Variants in TAFA4 observed in about 807,000 individuals in gnomAD.
TAFA4 encodes TAFA chemokine like family member 4.
TAFA4 carries 20 observed loss-of-function variants against 21.1 expected under a neutral mutation model. That is an observed-to-expected ratio of 0.95 (90% CI 0.67 to 1.38). The LOEUF (loss-of-function observed/expected upper bound fraction) is 1.38. Ranked by LOEUF, TAFA4 falls within the 40% of genes most tolerant of loss-of-function variation. The probability of loss-of-function intolerance (pLI) is 0.00; values close to 1 mark genes in which losing one functional copy is unlikely to be tolerated. For synonymous variants in TAFA4, 71 were observed against 67.4 expected (o/e 1.05, Z -0.26); for missense variants, 211 against 180.9 (o/e 1.17, Z -0.95).
chr3:68,779,644 C>A (rs2106794308), intron 3 of TAFA4, among the ~76,000 whole-genome samples: 1 of 152,298 alleles, frequency 6.6e-6, no homozygotes, highest in South Asian at 2.1e-4. Flanking sequence ...GTTGAGCCTG[C>A]AGGTGTACAC....
rs369999249 is a variant in TAFA4 at position 68,807,891 on chromosome 3, C to A, written c.131-54873G>T. Among the ~76,000 whole-genome samples, 65 of 152,296 alleles carry A rather than the reference C, an allele frequency of 4.3e-4. No homozygotes were observed. In the East Asian group the frequency reaches 0.012, roughly 28 times the overall value. Reference sequence around the variant, plus strand: ...TATAATTGCAAGTATCTGGTAACAACAATATGTCCTCTGGTGTTGTCATGC... The same window carrying A: ...TATAATTGCAAGTATCTGGTAACAAAAATATGTCCTCTGGTGTTGTCATGC... On this transcript the variant is annotated intron_variant, in intron 3 of 5. Transcript: ENST00000295569.
chr3:68,921,538 A>G (rs1002025574), intron 1 of TAFA4, among the ~76,000 whole-genome samples: 1 of 152,210 alleles, frequency 6.6e-6, no homozygotes, highest in African/African-American at 2.4e-5. Flanking sequence ...GGAGAAAGCA[A>G]TAAGCCAGGC....
chr3:68,872,446 A>T (rs2089493415), intron 3 of TAFA4, among the ~76,000 whole-genome samples: 1 of 152,084 alleles, frequency 6.6e-6, no homozygotes, highest in Non-Finnish European at 1.5e-5. Context: ...TAGTTTAAAA[A>T]AATGCAGTTA....
At chr3:68,876,995 G>C (rs1422290121) in intron 3 of TAFA4, among the ~76,000 whole-genome samples, 2 of 151,968 alleles carry the variant, frequency 1.3e-5, no homozygotes, top group African/African-American at 4.8e-5. Flanking sequence ...TTCATAACTT[G>C]CCCAAGAATG....
At chr3:68,860,294 GTTATGAATATCAAGTGCACTA>G (rs1270127269) in intron 3 of TAFA4, among the ~76,000 whole-genome samples, 1 of 152,102 alleles carries the variant, frequency 6.6e-6, no homozygotes, top group Non-Finnish European at 1.5e-5. Context: ...TTAATTATTA[GTTATGAATATCAAGTGCACTA>G]TTGTCACTCT....
chr3:68,737,074 C>T (rs1305594068), intron 5 of TAFA4, among the ~76,000 whole-genome samples: 1 of 152,112 alleles, frequency 6.6e-6, no homozygotes, highest in African/African-American at 2.4e-5. Context: ...GAAAGCCGTT[C>T]TACCAAGAGA....
In TAFA4 at chr3:68,732,162, TA is replaced by T. The variant is rs1702160083; in HGVS notation, c.*979del. 6.6e-6 allele frequency: 1 copy of T among 152,516 alleles called. No homozygotes were observed. The highest frequency in any genetic ancestry group is 2.1e-4 in the South Asian group (1 of 4,826). The allele number at this position is 152,516 out of a possible 1,614,324, so 9.4% of individuals were successfully genotyped here. A position where few individuals can be genotyped will look rare whatever the true frequency, so the allele number is the denominator to read the frequency against. ...ATTAAGCCAATCAGGACTCAGATTTTAAAGAAATAAGATGGCTAACACAGAA... is the reference window on the plus strand; with the variant it reads ...ATTAAGCCAATCAGGACTCAGATTTTAAGAAATAAGATGGCTAACACAGAA... On this transcript the variant is annotated 3_prime_UTR_variant, in exon 6 of 6. Transcript: ENST00000295569.
At chr3:68,762,867 G>A (rs1397051193) in intron 3 of TAFA4, among the ~76,000 whole-genome samples, 2 of 152,138 alleles carry the variant, frequency 1.3e-5, no homozygotes, top group Non-Finnish European at 2.9e-5. Flanking sequence ...GGCAAAACCC[G>A]TCCCTGCTAA....
chr3:68,783,307 G>A (rs1424579734), intron 3 of TAFA4, among the ~76,000 whole-genome samples: 1 of 152,070 alleles, frequency 6.6e-6, no homozygotes, highest in Non-Finnish European at 1.5e-5. Context: ...GAAATAAAAA[G>A]CAAATAAACC....
chr3:68,755,095 C>G (rs1332921201), intron 3 of TAFA4, among the ~76,000 whole-genome samples: 1 of 152,174 alleles, frequency 6.6e-6, no homozygotes, highest in Non-Finnish European at 1.5e-5. Context: ...AGTATGTGCG[C>G]AGGTACATCG....
chr3:68,778,173 T>C (rs1002506380), intron 3 of TAFA4, among the ~76,000 whole-genome samples: 8 of 152,284 alleles, frequency 5.3e-5, no homozygotes, highest in South Asian at 2.1e-4. Flanking sequence ...TATAAAGATA[T>C]ACATTAATCA....
intron 3 of TAFA4, among the ~76,000 whole-genome samples, chr3:68,856,565 G>T (rs1173874076): frequency 6.6e-6 from 1 of 152,008 alleles, no homozygotes; most frequent in African/African-American, 2.4e-5. Context: ...AGGCTCCATA[G>T]GTACAACAAC....
chr3:68,810,527 C>G (rs1703811764), intron 3 of TAFA4, among the ~76,000 whole-genome samples: 1 of 152,192 alleles, frequency 6.6e-6, no homozygotes, highest in Admixed American at 6.5e-5. Context: ...AAGATTATAT[C>G]CTGCGCCTGG....
rs1704652371 is a variant in TAFA4 at position 68,841,112 on chromosome 3, A to G, written c.130+39618T>C. On this transcript the variant is annotated intron_variant, in intron 3 of 5. Coordinates refer to ENST00000295569, the MANE Select transcript of TAFA4 (RefSeq NM_182522.5). ...GCCGAGGCGGGCGGATCACGAGGTCAGGAGATCGAGACCATCCCGGCTAAA... is the reference window on the plus strand; with the variant it reads ...GCCGAGGCGGGCGGATCACGAGGTCGGGAGATCGAGACCATCCCGGCTAAA... Among the ~76,000 whole-genome samples the G allele has an allele frequency of 2.7e-5, 2 of 73,374 alleles. 1 individual carries two copies. The allele number at this position is 73,374 out of a possible 152,430, so 48.1% of individuals were successfully genotyped here.
At chr3:68,733,962 G>GC (rs146708399) in intron 5 of TAFA4, among the ~76,000 whole-genome samples, 2,277 of 152,076 alleles carry the variant, frequency 0.015, 51 homozygotes, top group African/African-American at 0.053. Flanking sequence ...CAAAAACCCT[G>GC]CCCCCATGGA....
chr3:68,745,004 C>G (rs1482842147), intron 4 of TAFA4, among the ~76,000 whole-genome samples: 1 of 152,106 alleles, frequency 6.6e-6, no homozygotes, highest in Admixed American at 6.5e-5. Context: ...AAAGTGTTAC[C>G]CATGATGGAG....
chr3:68,744,153 T>C (rs1702409298), intron 4 of TAFA4, among the ~76,000 whole-genome samples: 1 of 152,240 alleles, frequency 6.6e-6, no homozygotes, highest in Non-Finnish European at 1.5e-5. Flanking sequence ...CCGTGTACTT[T>C]GGAAAGGTAT....
intron 4 of TAFA4, among the ~76,000 whole-genome samples, chr3:68,746,299 A>G (rs902827301): frequency 6.6e-6 from 1 of 151,904 alleles, no homozygotes; most frequent in Admixed American, 6.6e-5. Flanking sequence ...GTGAGTTAAT[A>G]CTCCTAATAA....
At chr3:68,799,056 G>A (rs1703514624) in intron 3 of TAFA4, among the ~76,000 whole-genome samples, 1 of 152,124 alleles carries the variant, frequency 6.6e-6, no homozygotes, top group African/African-American at 2.4e-5. Flanking sequence ...AGCCACTGAA[G>A]AGTTTTTGAG....
Sources: gnomAD v4.1 joint callset for allele counts (sites outside exome capture counted in the v4.1 genomes callset) on GRCh38, gnomAD v4.1.1 for gene constraint, MANE v1.5 for transcripts, NCBI Gene and HGNC (gene_info 2026-07-23, HGNC 2026-07-21) for gene names.